The following MAN1C1 variants were observed in gnomAD, a reference collection of about 807,000 sequenced individuals.
MAN1C1 encodes the protein mannosyl-oligosaccharide 1,2-alpha-mannosidase IC.
In MAN1C1, 49 loss-of-function variants were observed where a neutral mutation model predicts 71.5. That is an observed-to-expected ratio of 0.69 (90% CI 0.54 to 0.87). MAN1C1 has a LOEUF of 0.87. Among genes scored for constraint, MAN1C1 ranks in the 40% least tolerant of loss-of-function variants. MAN1C1 has a pLI of 0.00. For missense variants in MAN1C1, 743 were observed against 835.0 expected (o/e 0.89, Z 1.36); for synonymous variants, 352 against 343.7 (o/e 1.02, Z -0.27).
intron 1 of MAN1C1, among the ~76,000 whole-genome samples, chr1:25,656,373 C>T (rs1284521447): frequency 6.6e-6 from 1 of 152,110 alleles, no homozygotes; most frequent in Non-Finnish European, 1.5e-5. Flanking sequence ...GCTGAAATTA[C>T]AGGCATCAGT....
chr1:25,677,411 G>GACACACAC (rs3835656), intron 1 of MAN1C1, among the ~76,000 whole-genome samples: 100 of 150,116 alleles, frequency 6.7e-4, no homozygotes, highest in African/African-American at 2.2e-3. Flanking sequence ...CTCTAGCAGG[G>GACACACAC]ACACACACAC....
At chr1:25,758,856 C>A in intron 6 of MAN1C1, 147 bp downstream of exon 6, 1 of 711,630 alleles carries the variant, frequency 1.4e-6, no homozygotes, top group Non-Finnish European at 2.5e-6. Flanking sequence ...ACTAAGGTAG[C>A]AAATAGTAGC....
At chr1:25,755,383 C>G (rs937287814) in intron 5 of MAN1C1, among the ~76,000 whole-genome samples, 4 of 152,176 alleles carry the variant, frequency 2.6e-5, no homozygotes, top group African/African-American at 7.2e-5. Context: ...CTCCTGCCAC[C>G]CTTATAGATC....
At chr1:25,653,876 G>A (rs542291017) in intron 1 of MAN1C1, among the ~76,000 whole-genome samples, 1 of 152,278 alleles carries the variant, frequency 6.6e-6, no homozygotes, top group South Asian at 2.1e-4. Flanking sequence ...CTCCCCCAGG[G>A]GAGTCAAAGG....
chr1:25,753,211 A>T lies in MAN1C1; in HGVS notation c.835-273A>T, dbSNP rs1171710212. 6.6e-6 allele frequency among the ~76,000 whole-genome samples: 1 copy of T among 152,142 alleles called. No individual in the cohort carries two copies. Among genetic ancestry groups the T allele is most frequent in the East Asian group, 1.9e-4 (1 of 5,178 alleles). On this transcript the variant is annotated intron_variant, in intron 4 of 11. Coordinates refer to ENST00000374332, the MANE Select transcript of MAN1C1 (RefSeq NM_020379.4). The surrounding 1 kb of genome is among the most constrained non-coding windows in gnomAD (Gnocchi z 4.9). The stretch of plus-strand genomic sequence containing the variant: ...CACCAGAGTCCTGACACTGTGGTAG[A>T]TGCTTTGCCACAATTATCTAATTTT...
intron 2 of MAN1C1, among the ~76,000 whole-genome samples, chr1:25,732,322 T>C (rs1188003039): frequency 6.6e-6 from 1 of 152,102 alleles, no homozygotes; most frequent in East Asian, 1.9e-4. Context: ...TCCCAAGTTG[T>C]GCAGGAATGG....
intron 1 of MAN1C1, 29 bp from the exon 2 acceptor site, chr1:25,686,411 G>A (rs1036962956): frequency 6.3e-7 from 1 of 1,598,374 alleles, no homozygotes; most frequent in African/African-American, 1.3e-5. Flanking sequence ...GTCACACTGA[G>A]GTTCTCTCTA....
At chr1:25,690,832 G>A (rs1028906251) in intron 2 of MAN1C1, among the ~76,000 whole-genome samples, 1 of 152,222 alleles carries the variant, frequency 6.6e-6, no homozygotes, top group South Asian at 2.1e-4. Context: ...ATCGGGGGGT[G>A]CTATTATTGC....
intron 1 of MAN1C1, among the ~76,000 whole-genome samples, chr1:25,670,254 T>C (rs1222447770): frequency 2.6e-5 from 4 of 152,210 alleles, no homozygotes; most frequent in Non-Finnish European, 5.9e-5. Flanking sequence ...AGATTTCAAA[T>C]AGTATCACCT....
intron 2 of MAN1C1, among the ~76,000 whole-genome samples, chr1:25,687,224 T>C (rs1035271397): frequency 6.6e-6 from 1 of 152,220 alleles, no homozygotes; most frequent in Non-Finnish European, 1.5e-5. Flanking sequence ...TGGGGCCTGC[T>C]ACTGCCTGGC....
intron 3 of MAN1C1, 121 bp from the exon 4 acceptor site, chr1:25,749,134 G>A: frequency 4.4e-6 from 3 of 685,782 alleles, no homozygotes; most frequent in Non-Finnish European, 4.8e-6. Context: ...TCGTCACCTT[G>A]CCTGGCTTAC....
At chr1:25,721,337 G>C (rs990902837) in intron 2 of MAN1C1, among the ~76,000 whole-genome samples, 3 of 152,124 alleles carry the variant, frequency 2.0e-5, no homozygotes, top group Non-Finnish European at 4.4e-5. Flanking sequence ...TTGGGATTTT[G>C]ATAGGGATTA....
At chr1:25,652,474 G>T (rs1380325331) in intron 1 of MAN1C1, among the ~76,000 whole-genome samples, 1 of 152,216 alleles carries the variant, frequency 6.6e-6, no homozygotes, top group Non-Finnish European at 1.5e-5. Flanking sequence ...CCACAGGCTG[G>T]AGGCCCCCAG....
At position 25,783,732 on chromosome 1, in the gene MAN1C1, C is replaced by G. The variant is rs747075564; in HGVS notation, c.1836C>G (p.Ala612=). 6.2e-7 allele frequency: 1 copy of G among 1,613,270 alleles called. No homozygotes were observed. Among genetic ancestry groups the G allele is most frequent in the South Asian group, 1.1e-5 (1 of 91,090 alleles). The change falls in exon 12 of 12, where the codon GCC becomes GCG. Residue 612 remains alanine (A), a synonymous_variant. Transcript: ENST00000374332. ...AAGACTGGGTGTTCAACACCGAGGCCCACCCACTCCCGGTGAACCACTCAG... is the reference window on the plus strand; with the variant it reads ...AAGACTGGGTGTTCAACACCGAGGCGCACCCACTCCCGGTGAACCACTCAG... ...SLEDWVFNTE[A]HPLPVNHSDS... is the part of the protein sequence containing the mutation.
At chr1:25,675,588 G>GT (rs1553185436) in intron 1 of MAN1C1, among the ~76,000 whole-genome samples, 4 of 139,954 alleles carry the variant, frequency 2.9e-5, no homozygotes, top group Non-Finnish European at 4.5e-5. Flanking sequence ...ATTTTGCGGG[G>GT]GGGGGGGGAG....
chr1:25,774,440 G>A (rs1047624873), intron 8 of MAN1C1, among the ~76,000 whole-genome samples: 2 of 152,106 alleles, frequency 1.3e-5, no homozygotes, highest in Non-Finnish European at 2.9e-5. Flanking sequence ...ACACAAACAC[G>A]GGTCTGACTC....
Position 25,746,695 on chromosome 1 carries a change from A to T in MAN1C1, c.665A>T (p.Asp222Val), listed in dbSNP as rs1264414562. Residue 222 changes from aspartate (D) to valine (V), a missense_variant, in exon 3 of 12, where the codon GAC (aspartate) becomes GTC (valine). Coordinates refer to ENST00000374332, the MANE Select transcript of MAN1C1 (RefSeq NM_020379.4). The surrounding 1 kb of genome is among the most constrained non-coding windows in gnomAD (Gnocchi z 4.0). Reference protein sequence around the residue: ...FGGLSGATVIDSLDTLYLMEL... With the variant: ...FGGLSGATVIVSLDTLYLMEL... ...GGCCTCAGCGGGGCAACAGTCATTG[A>T]CTCCCTCGATACCCTCTACCTCATG... 1 of 1,612,054 alleles carries T rather than the reference A, an allele frequency of 6.2e-7. No individual in the cohort carries two copies. Among genetic ancestry groups the T allele is most frequent in the Admixed American group, 1.7e-5 (1 of 59,798 alleles).
At chr1:25,689,131 G>A (rs1229420443) in intron 2 of MAN1C1, among the ~76,000 whole-genome samples, 2 of 152,158 alleles carry the variant, frequency 1.3e-5, no homozygotes, top group East Asian at 3.8e-4. Flanking sequence ...CCAGTGCCTG[G>A]TGCTGACTGC....
intron 2 of MAN1C1, among the ~76,000 whole-genome samples, chr1:25,740,468 G>A (rs550442724): frequency 1.3e-5 from 2 of 152,038 alleles, no homozygotes; most frequent in African/African-American, 2.4e-5. Context: ...ACGGAGTCTC[G>A]CTCTGTCACC....
Sources: gnomAD v4.1 joint callset for allele counts (sites outside exome capture counted in the v4.1 genomes callset) on GRCh38, gnomAD v4.1.1 for gene constraint, Gnocchi (gnomAD v3.1) non-coding constraint, MANE v1.5 for transcripts, NCBI Gene and HGNC (gene_info 2026-07-23, HGNC 2026-07-21) for gene names.